GPHN: variants seen among roughly 807,000 people sequenced by gnomAD.
GPHN encodes gephyrin.
Under a neutral mutation model 95.5 loss-of-function variants are expected in GPHN, and 17 were observed. The observed-to-expected ratio is 0.18, with a 90% CI of 0.12 to 0.27. The LOEUF is 0.27. Ranked by LOEUF, GPHN falls within the 10% of genes least tolerant of loss-of-function variation. GPHN has a pLI of 1.00. For missense variants in GPHN, 660 were observed against 978.1 expected, an observed-to-expected ratio of 0.67 and a Z score of 4.34; for synonymous variants, 320 against 322.5, an observed-to-expected ratio of 0.99 and a Z score of 0.08.
At chr14:67,130,053 C>T (rs1044542961) in intron 17 of GPHN, among the ~76,000 whole-genome samples, 4 of 152,074 alleles carry the variant, frequency 2.6e-5, no homozygotes, top group African/African-American at 9.7e-5. Context: ...TTTGATTGCA[C>T]AGTGCCTTTC....
chr14:67,162,979 ATAAT>A (rs1419171011), intron 19 of GPHN, among the ~76,000 whole-genome samples: 9 of 152,318 alleles, frequency 5.9e-5, no homozygotes, highest in South Asian at 2.1e-4. Context: ...CTTAAATGAA[ATAAT>A]TAATGTGATA....
At chr14:67,618,883 C>A in the GPHN span, among the ~76,000 whole-genome samples, 1 of 152,144 alleles carries the variant, frequency 6.6e-6, no homozygotes, top group Non-Finnish European at 1.5e-5. Context: ...TATGGTGTTG[C>A]CATGGAGACC....
chr14:66,550,880 G>A (rs367908752), intron 1 of GPHN, among the ~76,000 whole-genome samples: 6 of 151,588 alleles, frequency 4.0e-5, no homozygotes, highest in South Asian at 2.1e-4. Context: ...TTTTTGAGAC[G>A]GAGTCTCACT....
chr14:67,722,702 A>G, the GPHN span: 3 of 1,613,458 alleles, frequency 1.9e-6, no homozygotes, highest in Non-Finnish European at 2.5e-6. Context: ...TGGTAGCTCC[A>G]TCCATCAGGT....
the GPHN span, among the ~76,000 whole-genome samples, chr14:67,260,692 A>T: frequency 6.6e-6 from 1 of 152,222 alleles, no homozygotes; most frequent in African/African-American, 2.4e-5. Context: ...TCAAAAGTTT[A>T]ATGACAAAAT....
Position 66,666,457 on chromosome 14 carries a change from G to C in GPHN, c.65-14650G>C, listed in dbSNP as rs555696905. ...CCAGAGTTAAATAGGCTTTATCCCT[G>C]GGATGCAAACTTGGTTCATCATTGC... On this transcript the variant is annotated intron_variant, in intron 1 of 22. Coordinates refer to ENST00000478722, the MANE Select transcript of GPHN (RefSeq NM_020806.5). Among the ~76,000 whole-genome samples, 8 of 151,248 alleles carry C rather than the reference G, an allele frequency of 5.3e-5. No homozygotes were observed. In the East Asian group the frequency reaches 1.5e-3, roughly 29 times the overall value.
the GPHN span, among the ~76,000 whole-genome samples, chr14:67,619,547 G>A: frequency 6.6e-6 from 1 of 152,268 alleles, no homozygotes; most frequent in African/African-American, 2.4e-5. Context: ...CCCATCCGTA[G>A]AGTCAGCATC....
chr14:67,120,922 T>C (rs998698004), intron 16 of GPHN, among the ~76,000 whole-genome samples: 1 of 152,162 alleles, frequency 6.6e-6, no homozygotes, highest in Non-Finnish European at 1.5e-5. Context: ...CTGTAGCCTA[T>C]TGTAAGGGGA....
At chr14:67,600,000 G>C in the GPHN span, 1 of 1,535,380 alleles carries the variant, frequency 6.5e-7, no homozygotes, top group Non-Finnish European at 8.8e-7. Context: ...CTTCGAGCGC[G>C]GGGAGGGGCC....
the GPHN span, among the ~76,000 whole-genome samples, chr14:67,643,990 T>A: frequency 6.6e-6 from 1 of 151,524 alleles, no homozygotes; most frequent in Non-Finnish European, 1.5e-5. Flanking sequence ...CTCAGTGTAG[T>A]CTCTGGAAAT....
At chr14:67,311,035 G>A in the GPHN span, among the ~76,000 whole-genome samples, 4 of 152,156 alleles carry the variant, frequency 2.6e-5, no homozygotes, top group Non-Finnish European at 5.9e-5. Flanking sequence ...GCTAAGGCCA[G>A]GCGTGGTGGC....
intron 2 of GPHN, among the ~76,000 whole-genome samples, chr14:66,729,402 T>C (rs1010503484): frequency 1.4e-4 from 21 of 152,208 alleles, no homozygotes; most frequent in Non-Finnish European, 2.9e-4. Context: ...AACGAAGATC[T>C]AGTTTGTGTG....
chr14:66,789,454 A>G (rs926488465), intron 3 of GPHN, among the ~76,000 whole-genome samples: 1 of 152,220 alleles, frequency 6.6e-6, no homozygotes, highest in Non-Finnish European at 1.5e-5. Context: ...ACATACACAG[A>G]CATAAGATCC....
At chr14:67,343,886 G>A in the GPHN span, among the ~76,000 whole-genome samples, 1 of 152,144 alleles carries the variant, frequency 6.6e-6, no homozygotes, top group Admixed American at 6.5e-5. Flanking sequence ...AAATTCTTGT[G>A]AGATTTCCAT....
the GPHN span, chr14:67,333,599 G>A: frequency 0.19 from 29,175 of 152,318 alleles, 4,486 homozygotes; most frequent in East Asian, 0.48. Flanking sequence ...TTTTTGCTCA[G>A]ACTTTGTGGA....
At chr14:67,422,387 T>C in the GPHN span, among the ~76,000 whole-genome samples, 1 of 152,188 alleles carries the variant, frequency 6.6e-6, no homozygotes, top group Non-Finnish European at 1.5e-5. Context: ...TGCCATGTCT[T>C]ACACAGCTAG....
At chr14:66,864,562 C>G (rs2063156737) in intron 4 of GPHN, among the ~76,000 whole-genome samples, 1 of 152,134 alleles carries the variant, frequency 6.6e-6, no homozygotes, top group South Asian at 2.1e-4. Context: ...CACCTGAGGT[C>G]AGGAGTTCAA....
At chr14:67,348,236 G>A in the GPHN span, among the ~76,000 whole-genome samples, 2 of 151,922 alleles carry the variant, frequency 1.3e-5, no homozygotes, top group African/African-American at 2.4e-5. Flanking sequence ...TACCACGTCT[G>A]GCTTATTTTG....
At chr14:67,480,986 G>A in the GPHN span, among the ~76,000 whole-genome samples, 1 of 152,192 alleles carries the variant, frequency 6.6e-6, no homozygotes, top group African/African-American at 2.4e-5. Context: ...AACCTAGGGT[G>A]AGAGACAGGA....
Sources: allele counts gnomAD v4.1 joint callset (sites outside exome capture counted in the v4.1 genomes callset), GRCh38; gene constraint gnomAD v4.1.1; transcripts MANE v1.5; gene names NCBI Gene and HGNC (gene_info 2026-07-23, HGNC 2026-07-21).